The following SLC7A1 variants were observed in gnomAD, a reference collection of about 807,000 sequenced individuals.
The protein encoded by SLC7A1 is solute carrier family 7 member 1.
SLC7A1 carries 10 observed loss-of-function variants against 53.9 expected under a neutral mutation model. The ratio of observed to expected loss-of-function variants is 0.19; its 90% CI spans 0.11 to 0.31. SLC7A1 has a LOEUF of 0.31. SLC7A1 is among the 10% of genes least tolerant of loss of function. The pLI, the probability that SLC7A1 is intolerant of heterozygous loss-of-function variation, is 1.00. For synonymous variants in SLC7A1, 342 were observed against 338.7 expected (o/e 1.01, Z -0.11); for missense variants, 525 against 827.2 (o/e 0.63, Z 4.48).
chr13:29,527,773 T>C (rs1462644379), intron 5 of SLC7A1, among the ~76,000 whole-genome samples: 1 of 152,238 alleles, frequency 6.6e-6, no homozygotes, highest in African/African-American at 2.4e-5. Flanking sequence ...GTGGTGAACT[T>C]CCTGCAGCAG....
intron 2 of SLC7A1, among the ~76,000 whole-genome samples, chr13:29,548,716 A>G (rs750364222): frequency 3.3e-5 from 5 of 152,220 alleles, no homozygotes; most frequent in Non-Finnish European, 5.9e-5. Context: ...CAATATTTTA[A>G]TCCAACTAAT....
At chr13:29,571,671 C>T (rs74042338) in intron 1 of SLC7A1, among the ~76,000 whole-genome samples, 2,159 of 152,334 alleles carry the variant, frequency 0.014, 53 homozygotes, top group African/African-American at 0.049. Context: ...ACCAGAGGGG[C>T]GGCTTCTCCA....
At chr13:29,535,674 C>G in intron 3 of SLC7A1, 145 bp downstream of exon 3, 1 of 783,574 alleles carries the variant, frequency 1.3e-6, no homozygotes, top group Non-Finnish European at 2.0e-6. Context: ...CTAAATACCT[C>G]TAAATGAATC....
chr13:29,565,658 G>C (rs1870938167), intron 1 of SLC7A1, among the ~76,000 whole-genome samples: 1 of 152,182 alleles, frequency 6.6e-6, no homozygotes, highest in South Asian at 2.1e-4. Context: ...CCAGGACACA[G>C]GTGGATCTCA....
chr13:29,572,909 A>G (rs934895298), intron 1 of SLC7A1, among the ~76,000 whole-genome samples: 3 of 152,198 alleles, frequency 2.0e-5, no homozygotes, highest in Non-Finnish European at 2.9e-5. Context: ...TTGATGGAGG[A>G]AAACTCCACT....
intron 7 of SLC7A1, among the ~76,000 whole-genome samples, chr13:29,522,807 G>T (rs935486251): frequency 6.6e-6 from 1 of 152,224 alleles, no homozygotes; most frequent in Non-Finnish European, 1.5e-5. Context: ...CATTCATGAA[G>T]ATTTCCCTGT....
At position 29,509,755 on chromosome 13, in the gene SLC7A1, A is replaced by C. The variant is rs1566248437; in HGVS notation, c.*4725T>G. ...AAAAAATATACAAATGTACATAATA[A>C]AAAACACACAACTCTTAATAATGGC... On this transcript the variant is annotated 3_prime_UTR_variant, in exon 13 of 13. Transcript: ENST00000380752. 2 of 152,514 alleles carry C rather than the reference A, an allele frequency of 1.3e-5. No homozygotes were observed. Among genetic ancestry groups the C allele is most frequent in the Non-Finnish European group, 2.9e-5 (2 of 68,036 alleles). 9.4% of individuals were successfully genotyped at this position (152,514 alleles called of 1,614,324 possible).
intron 1 of SLC7A1, among the ~76,000 whole-genome samples, chr13:29,588,383 T>C (rs909798345): frequency 1.1e-4 from 17 of 152,192 alleles, no homozygotes; most frequent in African/African-American, 3.9e-4. Flanking sequence ...TATGTGTCTG[T>C]GTGCATGTGA....
At chr13:29,533,110 G>A (rs1869248902) in intron 3 of SLC7A1, 128 bp from the exon 4 acceptor site, 1 of 906,282 alleles carries the variant, frequency 1.1e-6, no homozygotes, top group Non-Finnish European at 1.6e-6. Flanking sequence ...GGCAGCAGCA[G>A]CCAGACCACA....
chr13:29,524,016 G>C (rs930438174), intron 6 of SLC7A1, 116 bp downstream of exon 6: 9 of 964,228 alleles, frequency 9.3e-6, no homozygotes, highest in Non-Finnish European at 1.4e-5. Flanking sequence ...TCTACATGTT[G>C]CTCATGTGTG....
At chr13:29,554,475 G>C (rs1035271365) in intron 1 of SLC7A1, among the ~76,000 whole-genome samples, 6 of 152,170 alleles carry the variant, frequency 3.9e-5, no homozygotes, top group Admixed American at 1.3e-4. Context: ...TTGTTGCCTT[G>C]GAATGGAATC....
At chr13:29,562,457 G>A (rs1023790063) in intron 1 of SLC7A1, among the ~76,000 whole-genome samples, 2 of 152,182 alleles carry the variant, frequency 1.3e-5, no homozygotes, top group Admixed American at 6.5e-5. Context: ...GCTCGCTGGA[G>A]CATTTTCAGT....
At chr13:29,534,159 C>G (rs572268639) in intron 3 of SLC7A1, among the ~76,000 whole-genome samples, 9 of 152,302 alleles carry the variant, frequency 5.9e-5, no homozygotes, top group Non-Finnish European at 5.9e-5. Context: ...TTCTTCCCAG[C>G]CTATCCACTC....
intron 1 of SLC7A1, among the ~76,000 whole-genome samples, chr13:29,589,664 C>A (rs1872025333): frequency 6.6e-6 from 1 of 152,202 alleles, no homozygotes; most frequent in Admixed American, 6.5e-5. Context: ...GTGCCAGCAC[C>A]ACCTGGACTC....
At position 29,544,876 on chromosome 13, in the gene SLC7A1, G is replaced by T. The variant is rs1044047717; in HGVS notation, c.-14-8674C>A. 3.3e-5 allele frequency among the ~76,000 whole-genome samples: 5 copies of T among 150,842 alleles called. 1 individual carries two copies. Among genetic ancestry groups the T allele is most frequent in the African/African-American group, 1.2e-4 (5 of 40,758 alleles). On this transcript the variant is annotated intron_variant, in intron 2 of 12. Transcript: ENST00000380752. ...ATCGCACCTGCCTCATCGGGGGGGG[G>T]GGGCAAGCTCTTCCCACTGACTCAA...
At chr13:29,552,281 C>A (rs1870236178) in intron 2 of SLC7A1, among the ~76,000 whole-genome samples, 1 of 151,696 alleles carries the variant, frequency 6.6e-6, no homozygotes, top group African/African-American at 2.4e-5. Context: ...TTTCCCTCAA[C>A]TGAAGAGTTT....
intron 7 of SLC7A1, among the ~76,000 whole-genome samples, chr13:29,522,939 T>C (rs2776955): frequency 0.96 from 145,952 of 152,302 alleles, 70,060 homozygotes; most frequent in Non-Finnish European, 0.99. Context: ...GCATGACAGC[T>C]AAACTGAGGG....
In SLC7A1 at chr13:29,524,132, C is replaced by T. The variant is rs1442242439; in HGVS notation, c.826G>A (p.Gly276Ser). 1 of 1,612,534 alleles carries T rather than the reference C, an allele frequency of 6.2e-7. No homozygotes were observed. Among genetic ancestry groups the T allele is most frequent in the Non-Finnish European group, 8.5e-7 (1 of 1,179,676 alleles). The change falls in exon 6 of 13, where the codon GGT (glycine) becomes AGT (serine). Residue 276 changes from glycine (G) to serine (S), a missense_variant and splice_region_variant. Around this residue, in one of 4 missense-constraint regions of SLC7A1, gnomAD observed 354 missense variants for 587.5 expected, o/e 0.60. Coordinates refer to ENST00000380752, the MANE Select transcript of SLC7A1 (RefSeq NM_003045.5). Reference sequence around the variant, plus strand: ...GGACCGCAGTGGCTGGCGGACATACCTGTGGTGGCGATGCAGTCAAAGCCC... The same window carrying T: ...GGACCGCAGTGGCTGGCGGACATACTTGTGGTGGCGATGCAGTCAAAGCCC... ...FVGFDCIATT[G>S]EEVKNPQKAI... is the part of the protein sequence containing the mutation.
chr13:29,577,811 G>A (rs1217802026), intron 1 of SLC7A1, among the ~76,000 whole-genome samples: 1 of 152,110 alleles, frequency 6.6e-6, no homozygotes, highest in East Asian at 1.9e-4. Flanking sequence ...GGGCTGGCAT[G>A]CCCCATGACA....
Sources: allele counts gnomAD v4.1 joint callset (sites outside exome capture counted in the v4.1 genomes callset), GRCh38; gene constraint gnomAD v4.1.1; regional missense constraint gnomAD v4.1.1; transcripts MANE v1.5; gene names NCBI Gene and HGNC (gene_info 2026-07-23, HGNC 2026-07-21).